The following CYLD variants were observed in gnomAD, a reference collection of about 807,000 sequenced individuals.
CYLD encodes ubiquitin carboxyl-terminal hydrolase CYLD.
A neutral mutation model predicts 104.5 loss-of-function variants in CYLD; 26 were observed. The observed-to-expected ratio is 0.25, with a 90% CI of 0.18 to 0.35. CYLD has a LOEUF of 0.35. Among genes scored for constraint, CYLD ranks in the 10% least tolerant of loss-of-function variants. CYLD has a pLI of 1.00. For synonymous variants in CYLD, 385 were observed against 399.9 expected (o/e 0.96, Z 0.45); for missense variants, 703 against 1,136.1 (o/e 0.62, Z 5.48).
intron 5 of CYLD, among the ~76,000 whole-genome samples, chr16:50,768,699 G>A (rs768055987): frequency 1.1e-4 from 16 of 152,150 alleles, no homozygotes; most frequent in Non-Finnish European, 2.2e-4. Flanking sequence ...ATATCAATTA[G>A]CACCACCCCA....
At chr16:50,779,328 A>G (rs935933108) in intron 8 of CYLD, among the ~76,000 whole-genome samples, 1 of 152,180 alleles carries the variant, frequency 6.6e-6, no homozygotes, top group African/African-American at 2.4e-5. Context: ...TCCATTAGAT[A>G]TATAGAAGCG....
At chr16:50,775,514 A>G (rs1969584778) in intron 6 of CYLD, among the ~76,000 whole-genome samples, 1 of 152,308 alleles carries the variant, frequency 6.6e-6, no homozygotes, top group East Asian at 1.9e-4. Flanking sequence ...TTCTTAACAT[A>G]TATGTTTTTA....
intron 12 of CYLD, chr16:50,785,996 C>A (rs1025234719): frequency 6.6e-6 from 1 of 152,208 alleles, no homozygotes; most frequent in East Asian, 1.9e-4. Context: ...TTATGGTAGC[C>A]GCCAAGTTCT....
At chr16:50,791,778 T>C (rs1971457981) in intron 15 of CYLD, 88 bp downstream of exon 15, 3 of 1,447,632 alleles carry the variant, frequency 2.1e-6, no homozygotes, top group African/African-American at 2.8e-5. Flanking sequence ...TGATTTTAAC[T>C]AGCTGAGAAA....
At position 50,800,990 on chromosome 16, in the gene CYLD, C is replaced by A. The variant is rs1420166511; in HGVS notation, c.*4482C>A. The A allele has an allele frequency of 3.4e-5, 8 of 233,322 alleles. No individual in the cohort carries two copies. The highest frequency in any genetic ancestry group is 1.1e-4 in the Admixed American group (2 of 17,782). The allele number at this position is 233,322 out of a possible 1,614,324, so 14.5% of individuals were successfully genotyped here. A position where few individuals can be genotyped will look rare whatever the true frequency, so the allele number is the denominator to read the frequency against. ...GATGTGTGTGGGGCCTTATGAAGACCAGGATTCTGCGGGTGTCAGGGGATT... is the reference window on the plus strand; with the variant it reads ...GATGTGTGTGGGGCCTTATGAAGACAAGGATTCTGCGGGTGTCAGGGGATT... On this transcript the variant is annotated 3_prime_UTR_variant, in exon 19 of 19. Coordinates refer to ENST00000427738, the MANE Select transcript of CYLD (RefSeq NM_001378743.1).
intron 16 of CYLD, 119 bp from the exon 17 acceptor site, chr16:50,793,427 T>TTTTTTGAAGCCATGAACATTGTCC: frequency 1.3e-6 from 1 of 798,958 alleles, no homozygotes; most frequent in Non-Finnish European, 2.3e-6. Context: ...AGAAAGAGAC[T>TTTTTTGAAGCCATGAACATTGTCC]TTTTTGAAGC....
intron 4 of CYLD, 25 bp downstream of exon 4, chr16:50,751,931 C>G: frequency 7.2e-7 from 1 of 1,392,550 alleles, no homozygotes; most frequent in Non-Finnish European, 1.0e-6. Flanking sequence ...GATTAAATAT[C>G]TTTGTGATAT....
At position 50,796,480 on chromosome 16, in the gene CYLD, A is replaced by G; in HGVS notation, c.2843A>G (p.Gln948Arg). ...TGTGATGCATATATGTGCATGTACCAGAGTCCAACAATGAGTTTGTACAAA... is the reference window on the plus strand; with the variant it reads ...TGTGATGCATATATGTGCATGTACCGGAGTCCAACAATGAGTTTGTACAAA... Reference protein sequence around the residue: ...LLCDAYMCMYQSPTMSLYK With the variant: ...LLCDAYMCMYRSPTMSLYK The change falls in exon 19 of 19, where the codon CAG becomes CGG. Residue 948 changes from glutamine to arginine, a missense_variant. This residue lies in a region of CYLD where 130 missense variants were observed against 220.2 expected (regional missense o/e 0.59). Coordinates refer to ENST00000427738, the MANE Select transcript of CYLD (RefSeq NM_001378743.1). 3 of 1,613,794 alleles carry G rather than the reference A, an allele frequency of 1.9e-6. No homozygotes were observed. Among genetic ancestry groups the G allele is most frequent in the Non-Finnish European group, 2.5e-6 (3 of 1,180,018 alleles).
intron 7 of CYLD, among the ~76,000 whole-genome samples, chr16:50,776,961 G>A (rs1286039708): frequency 2.0e-5 from 3 of 152,134 alleles, no homozygotes; most frequent in African/African-American, 7.2e-5. Flanking sequence ...GGAGACTTAG[G>A]ATTAATTGCA....
At position 50,792,594 on chromosome 16, in the gene CYLD, T is replaced by TA; in HGVS notation, c.2242-2dup. The stretch of plus-strand genomic sequence containing the variant: ...ATTCTAAAAATATCTGTCTTTTTTA[T>TA]AGGCACCATCATGTCTGATTATTCA... On this transcript the variant is annotated splice_region_variant and splice_polypyrimidine_tract_variant and intron_variant, in intron 15 of 18. Coordinates refer to ENST00000427738, the MANE Select transcript of CYLD (RefSeq NM_001378743.1). 6.3e-7 allele frequency: 1 copy of TA among 1,593,056 alleles called. No homozygotes were observed. The highest frequency in any genetic ancestry group is 2.2e-5 in the East Asian group (1 of 44,734).
At chr16:50,782,249 A>G in intron 10 of CYLD, 76 bp from the exon 11 acceptor site, 1 of 1,172,762 alleles carries the variant, frequency 8.5e-7, no homozygotes, top group Non-Finnish European at 1.2e-6. Context: ...AAAATGAAAA[A>G]ATATTTATGG....
At chr16:50,752,014 A>G (rs903569210) in intron 4 of CYLD, 108 bp downstream of exon 4, 2 of 238,372 alleles carry the variant, frequency 8.4e-6, no homozygotes, top group Non-Finnish European at 1.4e-5. Context: ...ACACACATAT[A>G]TATGTATAGT....
chr16:50,791,709 T>C lies in CYLD; in HGVS notation c.2241+19T>C. 1 of 1,613,120 alleles carries C rather than the reference T, an allele frequency of 6.2e-7. No individual in the cohort carries two copies. Among genetic ancestry groups the C allele is most frequent in the Non-Finnish European group, 8.5e-7 (1 of 1,179,260 alleles). On this transcript the variant is annotated intron_variant, in intron 15 of 18. Coordinates refer to ENST00000427738, the MANE Select transcript of CYLD (RefSeq NM_001378743.1). Reference sequence around the variant, plus strand: ...TGCAGAGGTTAGTGATACTCACCTGTGGTATTTTATGTGAAAGTCTGTGGG... The same window carrying C: ...TGCAGAGGTTAGTGATACTCACCTGCGGTATTTTATGTGAAAGTCTGTGGG...
Position 50,794,857 on chromosome 16 carries a change from GTGAT to G in CYLD, c.2686+431_2686+434del, listed in dbSNP as rs1971835646. 1 of 268,414 alleles carries G rather than the reference GTGAT, an allele frequency of 3.7e-6. No individual in the cohort carries two copies. The highest frequency in any genetic ancestry group is 2.2e-5 in the African/African-American group (1 of 44,452). The allele number at this position is 268,414 out of a possible 1,614,324, so 16.6% of individuals were successfully genotyped here. ...GCTGGTCTCAAATTCCTGGCCTCAA[GTGAT>G]TAACCCTCCTTTTCCTCTCGATGTG... On this transcript the variant is annotated intron_variant, in intron 18 of 18. Transcript: ENST00000427738. The surrounding 1 kb of genome is among the most constrained non-coding windows in gnomAD (Gnocchi z 4.1).
intron 5 of CYLD, among the ~76,000 whole-genome samples, chr16:50,768,396 C>G (rs1169738674): frequency 6.6e-6 from 1 of 151,994 alleles, no homozygotes; most frequent in East Asian, 1.9e-4. Flanking sequence ...GTTTCTTTTT[C>G]TTGCCCAATT....
chr16:50,750,793 G>A (rs1596968445), intron 3 of CYLD, among the ~76,000 whole-genome samples: 1 of 151,902 alleles, frequency 6.6e-6, no homozygotes, highest in African/African-American at 2.4e-5. Context: ...ATCATCTATA[G>A]GTTTCTTAGT....
At position 50,789,147 on chromosome 16, in the gene CYLD, G is replaced by C. The variant is rs1971166418; in HGVS notation, c.2108+1295G>C. On this transcript the variant is annotated intron_variant, in intron 14 of 18. Coordinates refer to ENST00000427738, the MANE Select transcript of CYLD (RefSeq NM_001378743.1). ...AAAATAGTGTGTGATACTAGCATATGATTAGAAATATGGATCAATGGGGCC... is the reference window on the plus strand; with the variant it reads ...AAAATAGTGTGTGATACTAGCATATCATTAGAAATATGGATCAATGGGGCC... Among the ~76,000 whole-genome samples the C allele has an allele frequency of 2.0e-5, 3 of 152,168 alleles. No individual in the cohort carries two copies. In the South Asian group the frequency reaches 6.2e-4, roughly 31 times the overall value.
Position 50,749,618 on chromosome 16 carries a change from T to A in CYLD, c.-81T>A, listed in dbSNP as rs1966459216. 9 of 1,443,906 alleles carry A rather than the reference T, an allele frequency of 6.2e-6. No homozygotes were observed. The South Asian group carries it at 9.5e-5, about 15-fold the overall frequency. The allele number at this position is 1,443,906 out of a possible 1,614,324, so 89.4% of individuals were successfully genotyped here. A position where few individuals can be genotyped will look rare whatever the true frequency, so the allele number is the denominator to read the frequency against. ...TGAAAACATGCTTTGGGACTGCCAC[T>A]GAATTTATCTTTTGCGGTTTTATGA... On this transcript the variant is annotated 5_prime_UTR_variant, in exon 3 of 19. An upstream open reading frame in the 5' UTR loses its in-frame stop. Coordinates refer to ENST00000427738, the MANE Select transcript of CYLD (RefSeq NM_001378743.1).
chr16:50,750,154 G>T lies in CYLD; in HGVS notation c.456G>T (p.Leu152=), dbSNP rs777538408. 2 of 1,614,082 alleles carry T rather than the reference G, an allele frequency of 1.2e-6. No individual in the cohort carries two copies. The highest frequency in any genetic ancestry group is 1.7e-6 in the Non-Finnish European group (2 of 1,179,996). The part of the protein sequence containing the change: ...FPGVVRFRGP[L]LAERTVSGIF... Reference sequence around the variant, plus strand: ...GAGTTGTACGCTTCAGAGGACCCCTGTTAGCAGAGAGGACAGTCTCCGGAA... The same window carrying T: ...GAGTTGTACGCTTCAGAGGACCCCTTTTAGCAGAGAGGACAGTCTCCGGAA... Residue 152 remains leucine (L), a synonymous_variant, in exon 3 of 19, where the codon CTG becomes CTT. Coordinates refer to ENST00000427738, the MANE Select transcript of CYLD (RefSeq NM_001378743.1).
Sources: gnomAD v4.1 joint callset for allele counts (sites outside exome capture counted in the v4.1 genomes callset) on GRCh38, gnomAD v4.1.1 for gene constraint, gnomAD v4.1.1 regional missense constraint, Gnocchi (gnomAD v3.1) non-coding constraint, MANE v1.5 for transcripts, NCBI Gene and HGNC (gene_info 2026-07-23, HGNC 2026-07-21) for gene names.